Variants in TENM2 observed in about 807,000 individuals in gnomAD.
The protein encoded by TENM2 is teneurin transmembrane protein 2.
A neutral mutation model predicts 245.2 loss-of-function variants in TENM2; 52 were observed. The ratio of observed to expected loss-of-function variants is 0.21; its 90% CI spans 0.17 to 0.27. The LOEUF (loss-of-function observed/expected upper bound fraction) is 0.27, where lower values mean the gene tolerates loss of function less well. Ranked by LOEUF, TENM2 falls within the 10% of genes least tolerant of loss-of-function variation. The pLI, the probability that TENM2 is intolerant of heterozygous loss-of-function variation, is 1.00. For synonymous variants in TENM2, 1,363 were observed against 1,438.9 expected (o/e 0.95, Z 1.19); for missense variants, 3,046 against 3,666.8 (o/e 0.83, Z 4.37).
chr5:167,257,625 A>G, the TENM2 span, among the ~76,000 whole-genome samples: 3 of 152,208 alleles, frequency 2.0e-5, no homozygotes, highest in Middle Eastern at 3.4e-3. Flanking sequence ...GAACTTAAGC[A>G]CAGAAAAATA....
chr5:167,686,607 A>G (rs78558900), intron 2 of TENM2, among the ~76,000 whole-genome samples: 404 of 152,312 alleles, frequency 2.7e-3, no homozygotes, highest in African/African-American at 9.3e-3. Context: ...ACCCCATTCC[A>G]TATCACAAGG....
the TENM2 span, among the ~76,000 whole-genome samples, chr5:167,162,317 A>G: frequency 1.3e-5 from 2 of 152,154 alleles, no homozygotes; most frequent in African/African-American, 2.4e-5. Flanking sequence ...ACTTCTAAGC[A>G]TATATTCAAA....
intron 2 of TENM2, among the ~76,000 whole-genome samples, chr5:167,811,437 C>T (rs370211427): frequency 6.6e-6 from 1 of 152,192 alleles, no homozygotes; most frequent in East Asian, 1.9e-4. Flanking sequence ...TCTGCTTCAC[C>T]TTCTGCCATA....
At chr5:167,427,203 C>T (rs867887929) in intron 2 of TENM2, among the ~76,000 whole-genome samples, 1 of 152,058 alleles carries the variant, frequency 6.6e-6, no homozygotes, top group Non-Finnish European at 1.5e-5. Context: ...GCTGTAATAC[C>T]AACACTTTGG....
chr5:167,356,289 A>T (rs534499323), intron 1 of TENM2, among the ~76,000 whole-genome samples: 92 of 151,644 alleles, frequency 6.1e-4, no homozygotes, highest in Non-Finnish European at 1.3e-4. Flanking sequence ...TGTCAGAGAT[A>T]TGCTTTGTGA....
At chr5:167,707,918 C>G (rs1382860880) in intron 2 of TENM2, among the ~76,000 whole-genome samples, 4 of 152,122 alleles carry the variant, frequency 2.6e-5, no homozygotes, top group African/African-American at 9.7e-5. Context: ...ATGTCAAAGT[C>G]AGAATATTAG....
At chr5:167,854,617 A>G (rs6555774) in intron 2 of TENM2, among the ~76,000 whole-genome samples, 140,517 of 152,226 alleles carry the variant, frequency 0.92, 65,403 homozygotes, top group Non-Finnish European at 0.99. Context: ...GTCTGAGAAG[A>G]GTTTTCTAAG....
intron 2 of TENM2, among the ~76,000 whole-genome samples, chr5:167,622,686 A>G (rs1020174076): frequency 8.5e-5 from 13 of 152,120 alleles, no homozygotes; most frequent in African/African-American, 3.1e-4. Flanking sequence ...CACTGTAGAC[A>G]TGACAATTGC....
At position 168,141,718 on chromosome 5, in the gene TENM2, A is replaced by G. The variant is rs142111873; in HGVS notation, c.2422+14752A>G. On this transcript the variant is annotated intron_variant, in intron 12 of 28. Transcript: ENST00000518659. ...GCCATTTCTTTATATACCTAAGTGTATAGGGAGAAATCAACTTTTATTTTT... is the reference window on the plus strand; with the variant it reads ...GCCATTTCTTTATATACCTAAGTGTGTAGGGAGAAATCAACTTTTATTTTT... 1.5e-3 allele frequency among the ~76,000 whole-genome samples: 230 copies of G among 152,340 alleles called. 1 individual carries two copies. Among genetic ancestry groups the G allele is most frequent in the Non-Finnish European group, 1.7e-3 (115 of 68,030 alleles).
chr5:167,174,173 A>G, the TENM2 span, among the ~76,000 whole-genome samples: 4 of 150,986 alleles, frequency 2.6e-5, no homozygotes, highest in Admixed American at 6.6e-5. Context: ...TGGTTTTCTC[A>G]CAATGAATTT....
chr5:167,678,887 C>T (rs958180216), intron 2 of TENM2, among the ~76,000 whole-genome samples: 1 of 152,068 alleles, frequency 6.6e-6, no homozygotes, highest in East Asian at 1.9e-4. Flanking sequence ...TTTTCAATTA[C>T]TGTTGCAGAG....
the TENM2 span, among the ~76,000 whole-genome samples, chr5:167,138,070 T>C: frequency 6.6e-6 from 1 of 152,230 alleles, no homozygotes; most frequent in South Asian, 2.1e-4. Context: ...TTAGTCAATG[T>C]TGCTTGAAAG....
the TENM2 span, among the ~76,000 whole-genome samples, chr5:167,125,745 T>G: frequency 8.5e-5 from 13 of 152,288 alleles, no homozygotes; most frequent in East Asian, 2.5e-3. Context: ...CAACATAATT[T>G]GAGTGCCAAG....
At chr5:167,698,679 G>GTTTTTTTTTTT (rs1225922111) in intron 2 of TENM2, among the ~76,000 whole-genome samples, 84 of 97,736 alleles carry the variant, frequency 8.6e-4, no homozygotes, top group African/African-American at 1.8e-3. Flanking sequence ...TTTGTTTTTT[G>GTTTTTTTTTTT]TTTTTTTTTT....
At chr5:167,594,111 A>G (rs1456629536) in intron 2 of TENM2, among the ~76,000 whole-genome samples, 12 of 152,200 alleles carry the variant, frequency 7.9e-5, no homozygotes, top group African/African-American at 2.7e-4. Context: ...TTAAAAATAT[A>G]CAGTATTTAA....
chr5:167,037,252 T>C, the TENM2 span, among the ~76,000 whole-genome samples: 7 of 152,320 alleles, frequency 4.6e-5, no homozygotes, highest in South Asian at 1.2e-3. Context: ...AACTTGCTAT[T>C]TTTCATTTTT....
At position 168,130,271 on chromosome 5, in the gene TENM2, C is replaced by T. The variant is rs544148514; in HGVS notation, c.2422+3305C>T. The T allele has an allele frequency of 2.9e-4, 44 of 152,278 alleles. No individual in the cohort carries two copies. The East Asian group carries it at 8.3e-3, about 29-fold the overall frequency. 9.4% of individuals were successfully genotyped at this position (152,278 alleles called of 1,614,324 possible). ...AAACATTTAAATATAAGGTATAAGA[C>T]TTCAATGTTAACTGTTAGAGCTAAC... is the stretch of plus-strand genomic sequence containing the variant. On this transcript the variant is annotated intron_variant, in intron 12 of 28. Coordinates refer to ENST00000518659, the Ensembl canonical transcript of TENM2.
At chr5:168,035,696 G>T (rs895761696) in intron 5 of TENM2, among the ~76,000 whole-genome samples, 1 of 152,110 alleles carries the variant, frequency 6.6e-6, no homozygotes, top group Non-Finnish European at 1.5e-5. Context: ...TGAGGGCACC[G>T]ATTCAAAGGC....
At chr5:167,408,633 T>A (rs957522327) in intron 2 of TENM2, among the ~76,000 whole-genome samples, 19 of 152,126 alleles carry the variant, frequency 1.2e-4, no homozygotes, top group African/African-American at 4.6e-4. Flanking sequence ...CTTCAAGTGA[T>A]GCCATAATGT....
Sources: allele counts gnomAD v4.1 joint callset (sites outside exome capture counted in the v4.1 genomes callset), GRCh38; gene constraint gnomAD v4.1.1; transcripts MANE v1.5; gene names NCBI Gene and HGNC (gene_info 2026-07-23, HGNC 2026-07-21).